Variants in KCNAB1 observed in about 807,000 individuals in gnomAD.
KCNAB1 encodes voltage-gated potassium channel subunit beta-1.
A neutral mutation model predicts 64.6 loss-of-function variants in KCNAB1; 35 were observed. That is an observed-to-expected ratio of 0.54 (90% CI 0.41 to 0.72). The LOEUF is 0.72. Ranked by LOEUF, KCNAB1 falls within the 30% of genes least tolerant of loss-of-function variation. KCNAB1 has a pLI of 0.00. For missense variants in KCNAB1, 401 were observed against 512.9 expected (o/e 0.78, Z 2.11); for synonymous variants, 177 against 183.8 (o/e 0.96, Z 0.30).
chr3:156,353,934 C>A (rs1365101229), intron 1 of KCNAB1, among the ~76,000 whole-genome samples: 2 of 151,776 alleles, frequency 1.3e-5, no homozygotes, highest in Admixed American at 6.6e-5. Flanking sequence ...AATTGCACTG[C>A]AGAAGCTATT....
chr3:156,466,582 T>C (rs1713393369), intron 7 of KCNAB1, among the ~76,000 whole-genome samples: 1 of 152,008 alleles, frequency 6.6e-6, no homozygotes, highest in South Asian at 2.1e-4. Flanking sequence ...ATGAATTGTA[T>C]AGTAGTGACC....
chr3:156,308,879 G>C (rs1360834651), intron 1 of KCNAB1, among the ~76,000 whole-genome samples: 1 of 152,098 alleles, frequency 6.6e-6, no homozygotes, highest in Non-Finnish European at 1.5e-5. Context: ...TCAACTGATG[G>C]AACATTAGAA....
chr3:156,408,436 G>A (rs1714406727), intron 1 of KCNAB1, among the ~76,000 whole-genome samples: 2 of 152,198 alleles, frequency 1.3e-5, no homozygotes, highest in African/African-American at 4.8e-5. Flanking sequence ...GGGAACAAGA[G>A]TGCCTACTCA....
intron 8 of KCNAB1, among the ~76,000 whole-genome samples, chr3:156,492,786 C>T (rs2108353727): frequency 1.3e-5 from 2 of 152,156 alleles, no homozygotes; most frequent in Middle Eastern, 6.8e-3. Context: ...GGCTTCATCT[C>T]CAGGAGAGGT....
At chr3:156,198,616 CTTTTTTTTTTTT>C (rs59410120) in intron 1 of KCNAB1, among the ~76,000 whole-genome samples, 1 of 118,530 alleles carries the variant, frequency 8.4e-6, no homozygotes, top group Admixed American at 8.6e-5. Context: ...GCAAACCCTG[CTTTTTTTTTTTT>C]TTTTTTTTGC....
At chr3:156,472,032 G>T (rs1713940641) in intron 7 of KCNAB1, among the ~76,000 whole-genome samples, 1 of 152,164 alleles carries the variant, frequency 6.6e-6, no homozygotes, top group African/African-American at 2.4e-5. Context: ...CTGAATGCCA[G>T]ACTGGTCCAT....
At chr3:156,271,665 A>G (rs937034793) in intron 1 of KCNAB1, among the ~76,000 whole-genome samples, 1 of 152,148 alleles carries the variant, frequency 6.6e-6, no homozygotes, top group Admixed American at 6.5e-5. Flanking sequence ...AACGTCAAAT[A>G]TCTGTCTCTC....
chr3:156,475,113 A>G (rs184445275), intron 8 of KCNAB1, among the ~76,000 whole-genome samples: 2 of 152,300 alleles, frequency 1.3e-5, no homozygotes, highest in Admixed American at 1.3e-4. Context: ...AACTAAAACA[A>G]TAAAGTTAAT....
At chr3:156,526,717 G>A (rs189223530) in intron 12 of KCNAB1, among the ~76,000 whole-genome samples, 103 of 152,184 alleles carry the variant, frequency 6.8e-4, no homozygotes, top group Non-Finnish European at 6.3e-4. Context: ...AACAATCCGC[G>A]GAGGTCTATA....
At chr3:156,278,767 G>A (rs1463714134) in intron 1 of KCNAB1, among the ~76,000 whole-genome samples, 1 of 151,924 alleles carries the variant, frequency 6.6e-6, no homozygotes, top group African/African-American at 2.4e-5. Context: ...CAGAGTCGGT[G>A]TCACCAGATT....
chr3:156,329,005 A>G (rs1383925614), intron 1 of KCNAB1, among the ~76,000 whole-genome samples: 2 of 152,108 alleles, frequency 1.3e-5, no homozygotes, highest in South Asian at 2.1e-4. Context: ...AAAATTTTCT[A>G]TAGTGAGTTC....
chr3:156,398,208 G>A (rs1342468972), intron 1 of KCNAB1, among the ~76,000 whole-genome samples: 1 of 152,074 alleles, frequency 6.6e-6, no homozygotes, highest in African/African-American at 2.4e-5. Context: ...CACAAGGAGG[G>A]GAATAACACA....
At chr3:156,336,031 T>C (rs1723684218) in intron 1 of KCNAB1, among the ~76,000 whole-genome samples, 2 of 152,266 alleles carry the variant, frequency 1.3e-5, no homozygotes, top group Non-Finnish European at 1.5e-5. Flanking sequence ...ACTATAATTA[T>C]TGGTTTAACT....
In KCNAB1 at chr3:156,273,411, T is replaced by A. The variant is rs991471591; in HGVS notation, c.276-148205T>A. On this transcript the variant is annotated intron_variant, in intron 1 of 13. Transcript: ENST00000490337. ...AGTTCCAACTGCTGGGATGGGTAAT[T>A]CCCCTCTGGCTAGGCCTGGTCTAAA... 1.8e-5 allele frequency: 6 copies of A among 327,846 alleles called. No homozygotes were observed. The Admixed American group carries it at 1.9e-4, about 11-fold the overall frequency. The allele number at this position is 327,846 out of a possible 1,614,324, so 20.3% of individuals were successfully genotyped here.
At chr3:156,409,757 A>G (rs1714510347) in intron 1 of KCNAB1, among the ~76,000 whole-genome samples, 1 of 152,208 alleles carries the variant, frequency 6.6e-6, no homozygotes, top group Admixed American at 6.5e-5. Context: ...CTGCACAATG[A>G]GATATATACA....
At chr3:156,510,847 C>T (rs1185719345) in intron 8 of KCNAB1, among the ~76,000 whole-genome samples, 9 of 152,152 alleles carry the variant, frequency 5.9e-5, no homozygotes, top group African/African-American at 2.2e-4. Flanking sequence ...CCCTGTGTGC[C>T]GGCTTCCCTC....
intron 1 of KCNAB1, among the ~76,000 whole-genome samples, chr3:156,400,882 G>A (rs1713841669): frequency 6.6e-6 from 1 of 152,092 alleles, no homozygotes; most frequent in South Asian, 2.1e-4. Flanking sequence ...CCCCTACTTA[G>A]CTCTGTTATG....
chr3:156,441,391 C>T (rs868809576), intron 2 of KCNAB1: 5 of 152,060 alleles, frequency 3.3e-5, no homozygotes, highest in African/African-American at 7.2e-5. Flanking sequence ...AACTTCTTGA[C>T]GGTAGCATTT....
At chr3:156,233,814 C>G (rs1716682588) in intron 1 of KCNAB1, among the ~76,000 whole-genome samples, 1 of 152,014 alleles carries the variant, frequency 6.6e-6, no homozygotes, top group South Asian at 2.1e-4. Context: ...AAAGAGGTGT[C>G]AAGGATGGCT....
Sources: gnomAD v4.1 joint callset for allele counts (sites outside exome capture counted in the v4.1 genomes callset) on GRCh38, gnomAD v4.1.1 for gene constraint, MANE v1.5 for transcripts, NCBI Gene and HGNC (gene_info 2026-07-23, HGNC 2026-07-21) for gene names.